The following GLYCTK variants were observed in gnomAD, a reference collection of about 807,000 sequenced individuals.
GLYCTK encodes the protein HBeAg binding protein 4.
A neutral mutation model predicts 24.8 loss-of-function variants in GLYCTK; 22 were observed. The ratio of observed to expected loss-of-function variants is 0.89; its 90% CI spans 0.63 to 1.27. GLYCTK has a LOEUF of 1.27. GLYCTK is among the 50% of genes most tolerant of loss of function. The pLI, the probability that GLYCTK is intolerant of heterozygous loss-of-function variation, is 0.00. For missense variants in GLYCTK, 684 were observed against 686.7 expected (o/e 1.00, Z 0.04); for synonymous variants, 320 against 297.2 (o/e 1.08, Z -0.79).
chr3:52,290,819 T>C lies in GLYCTK; in HGVS notation c.377+100T>C. On this transcript the variant is annotated intron_variant, in intron 2 of 4. Coordinates refer to ENST00000436784, the MANE Select transcript of GLYCTK (RefSeq NM_145262.4). The stretch of plus-strand genomic sequence containing the variant: ...GCCTCCCCTCCCCACCCGCTTCCCA[T>C]TTCTCCTGGATCTGGCCTGGCCCCA... 10 of 1,582,020 alleles carry C rather than the reference T, an allele frequency of 6.3e-6. No homozygotes were observed. In the South Asian group the frequency reaches 1.1e-4, roughly 18 times the overall value.
chr3:52,293,464 C>A lies in GLYCTK; in HGVS notation c.*338C>A, dbSNP rs780420106. The A allele has an allele frequency of 6.6e-5, 35 of 527,604 alleles. No homozygotes were observed. The highest frequency in any genetic ancestry group is 4.0e-4 in the African/African-American group (21 of 52,906). 32.7% of individuals were successfully genotyped at this position (527,604 alleles called of 1,614,324 possible). A position where few individuals can be genotyped will look rare whatever the true frequency, so the allele number is the denominator to read the frequency against. ...CGAGAATGTCTGAAAATAAATAGGACCATGCCATGGGTTCTCAGTGCGCCT... is the reference window on the plus strand; with the variant it reads ...CGAGAATGTCTGAAAATAAATAGGAACATGCCATGGGTTCTCAGTGCGCCT... On this transcript the variant is annotated 3_prime_UTR_variant, in exon 5 of 5. Transcript: ENST00000436784.
In GLYCTK at chr3:52,294,945, G is replaced by T. The variant is rs528265019; in HGVS notation, c.*1819G>T. 1.1e-5 allele frequency: 5 copies of T among 454,088 alleles called. No individual in the cohort carries two copies. Among genetic ancestry groups the T allele is most frequent in the East Asian group, 1.4e-4 (2 of 14,376 alleles). The allele number at this position is 454,088 out of a possible 1,614,324, so 28.1% of individuals were successfully genotyped here. ...TGTACACATAGATACTTAGTACAGGGCACATGACTCCCTGCATCCCTGCTG... is the reference window on the plus strand; with the variant it reads ...TGTACACATAGATACTTAGTACAGGTCACATGACTCCCTGCATCCCTGCTG... On this transcript the variant is annotated 3_prime_UTR_variant, in exon 5 of 5. Coordinates refer to ENST00000436784, the MANE Select transcript of GLYCTK (RefSeq NM_145262.4).
intron 1 of GLYCTK, chr3:52,290,007 G>C: frequency 2.5e-6 from 1 of 403,112 alleles, no homozygotes; most frequent in East Asian, 4.4e-5. Context: ...CCCAGCCAAA[G>C]GGGTGACCTG....
chr3:52,293,901 C>T lies in GLYCTK; in HGVS notation c.*775C>T, dbSNP rs1165833699. The stretch of plus-strand genomic sequence containing the variant: ...CTGGTTGAGCTGAAGTTTGTCCCAC[C>T]CCCCAGTGCTGTTTCCTTGTGACAG... On this transcript the variant is annotated 3_prime_UTR_variant, in exon 5 of 5. Coordinates refer to ENST00000436784, the MANE Select transcript of GLYCTK (RefSeq NM_145262.4). 4 of 453,934 alleles carry T rather than the reference C, an allele frequency of 8.8e-6. No individual in the cohort carries two copies. The highest frequency in any genetic ancestry group is 6.2e-5 in the South Asian group (4 of 64,480). The allele number at this position is 453,934 out of a possible 1,614,324, so 28.1% of individuals were successfully genotyped here.
rs1172174602 is a variant in GLYCTK at position 52,293,706 on chromosome 3, C to T, written c.*580C>T. 6 of 454,132 alleles carry T rather than the reference C, an allele frequency of 1.3e-5. No homozygotes were observed. Among genetic ancestry groups the T allele is most frequent in the Non-Finnish European group, 2.6e-5 (6 of 226,810 alleles). The allele number at this position is 454,132 out of a possible 1,614,324, so 28.1% of individuals were successfully genotyped here. ...GCTTTGATGTGCGTGAGCAGAGACC[C>T]CAGGGAGGACAGGCCTAAAGACTGC... is the stretch of plus-strand genomic sequence containing the variant. On this transcript the variant is annotated 3_prime_UTR_variant, in exon 5 of 5. Transcript: ENST00000436784.
At chr3:52,288,435 C>T (rs1239104350) in intron 1 of GLYCTK, 3 of 152,504 alleles carry the variant, frequency 2.0e-5, no homozygotes, top group Admixed American at 1.3e-4. Context: ...GTCTCGAACT[C>T]CTGACCTCAG....
rs1700556079 is a variant in GLYCTK at position 52,293,583 on chromosome 3, CCCT to C, written c.*459_*461del. ...CAGGGCCTGGCAGGACTCTTAACAC[CCCT>C]CTACTGGGCTGGGTACGTGCAGGAT... On this transcript the variant is annotated 3_prime_UTR_variant, in exon 5 of 5. Coordinates refer to ENST00000436784, the MANE Select transcript of GLYCTK (RefSeq NM_145262.4). 2.2e-6 allele frequency: 1 copy of C among 457,910 alleles called. No individual in the cohort carries two copies. 28.4% of individuals were successfully genotyped at this position (457,910 alleles called of 1,614,324 possible). A position where few individuals can be genotyped will look rare whatever the true frequency, so the allele number is the denominator to read the frequency against.
At position 52,291,920 on chromosome 3, in the gene GLYCTK, C is replaced by T. The variant is rs1438163955; in HGVS notation, c.703C>T (p.Gln235Ter). The T allele has an allele frequency of 1.2e-6, 2 of 1,612,170 alleles. No individual in the cohort carries two copies. The highest frequency in any genetic ancestry group is 1.7e-5 in the Admixed American group (1 of 59,992). The change falls in exon 4 of 5, where the codon CAG becomes TAG. Residue 235 changes from glutamine to a stop codon, truncating the protein, a stop_gained and splice_region_variant. Transcript: ENST00000436784. LOFTEE classifies it high-confidence loss of function. ...GGLAQAAYPA[Q>*]VVSLILSDVV... The stretch of plus-strand genomic sequence containing the variant: ...GCTGGCTCAGGCCGCCTACCCTGCC[C>T]AGGTATGAGTCCCTTCTTCCCCAGG...
chr3:52,292,110 T>C (rs769221739), intron 4 of GLYCTK, 150 bp from the exon 5 acceptor site: 82 of 1,217,180 alleles, frequency 6.7e-5, no homozygotes, highest in Non-Finnish European at 9.4e-5. Flanking sequence ...ACCAGGTGTT[T>C]TGCAAGCCCA....
intron 2 of GLYCTK, 59 bp from the exon 3 acceptor site, chr3:52,290,901 A>C (rs1001538584): frequency 6.2e-7 from 1 of 1,608,156 alleles, no homozygotes; most frequent in Admixed American, 1.7e-5. Context: ...AAGTTGAGAG[A>C]TCAGGTGGGA....
chr3:52,293,296 T>G lies in GLYCTK; in HGVS notation c.*170T>G. ...ACTCAGGGCCTCTGCTCTATATCTA[T>G]TCCCTTCCAGCCAGACTGGCAGATG... On this transcript the variant is annotated 3_prime_UTR_variant, in exon 5 of 5. Transcript: ENST00000436784. 6.8e-6 allele frequency: 5 copies of G among 738,458 alleles called. No homozygotes were observed. The highest frequency in any genetic ancestry group is 2.7e-5 in the East Asian group (1 of 37,016). The allele number at this position is 738,458 out of a possible 1,614,324, so 45.7% of individuals were successfully genotyped here. A position where few individuals can be genotyped will look rare whatever the true frequency, so the allele number is the denominator to read the frequency against.
rs960373876 is a variant in GLYCTK at position 52,294,699 on chromosome 3, C to T, written c.*1573C>T. 13 of 439,532 alleles carry T rather than the reference C, an allele frequency of 3.0e-5. No individual in the cohort carries two copies. The highest frequency in any genetic ancestry group is 5.1e-5 in the Non-Finnish European group (11 of 217,324). 27.2% of individuals were successfully genotyped at this position (439,532 alleles called of 1,614,324 possible). On this transcript the variant is annotated 3_prime_UTR_variant, in exon 5 of 5. Coordinates refer to ENST00000436784, the MANE Select transcript of GLYCTK (RefSeq NM_145262.4). Reference sequence around the variant, plus strand: ...CTGTGCCGTGGTGCTCCTCTGGCAGCGTCTACATGTAGCCTGTTCCTGCCT... The same window carrying T: ...CTGTGCCGTGGTGCTCCTCTGGCAGTGTCTACATGTAGCCTGTTCCTGCCT...
At chr3:52,288,311 C>T (rs1187821018) in intron 1 of GLYCTK, among the ~76,000 whole-genome samples, 2 of 152,326 alleles carry the variant, frequency 1.3e-5, no homozygotes, top group East Asian at 1.9e-4. Context: ...CTCCCCTGTT[C>T]AAATGATTCT....
rs750250546 is a variant in GLYCTK, at chr3:52,292,437, C to A, written c.883C>A (p.Pro295Thr). ...TGTGCTGTCTCGGGCCGACTCTGAC[C>A]CCCATGGGCCACACACCTGTGGCCA... ...KTVLSRADSD[P>T]HGPHTCGHVL... is the part of the protein sequence containing the mutation. Residue 295 changes from proline (P) to threonine (T), a missense_variant, in exon 5 of 5, where the codon CCC becomes ACC. Pro to Thr is a conservative substitution (Grantham distance 38, BLOSUM62 -1). Coordinates refer to ENST00000436784, the MANE Select transcript of GLYCTK (RefSeq NM_145262.4). The A allele has an allele frequency of 3.1e-6, 5 of 1,613,050 alleles. No homozygotes were observed. In the African/African-American group the frequency reaches 5.3e-5, roughly 17 times the overall value.
chr3:52,288,299 G>T (rs1169363538), intron 1 of GLYCTK, among the ~76,000 whole-genome samples: 1 of 152,048 alleles, frequency 6.6e-6, no homozygotes, highest in African/African-American at 2.4e-5. Flanking sequence ...TGCAACCTCC[G>T]CCTCCCCTGT....
rs746876324 is a variant in GLYCTK, at chr3:52,294,700, G to C, written c.*1574G>C. 24 of 441,036 alleles carry C rather than the reference G, an allele frequency of 5.4e-5. No individual in the cohort carries two copies. Among genetic ancestry groups the C allele is most frequent in the Non-Finnish European group, 1.1e-4 (24 of 218,208 alleles). The allele number at this position is 441,036 out of a possible 1,614,324, so 27.3% of individuals were successfully genotyped here. On this transcript the variant is annotated 3_prime_UTR_variant, in exon 5 of 5. Transcript: ENST00000436784. ...TGTGCCGTGGTGCTCCTCTGGCAGC[G>C]TCTACATGTAGCCTGTTCCTGCCTC...
At position 52,290,399 on chromosome 3, in the gene GLYCTK, C is replaced by A; in HGVS notation, c.57C>A (p.Leu19=). The change falls in exon 2 of 5, where the codon CTC becomes CTA. Residue 19 remains leucine, a synonymous_variant. Transcript: ENST00000436784. ...TGGCCCGAGCCCCCTTGCATCCACT[C>A]CTCTGGCGGGGCTCAGTGGCCCGTC... The part of the protein sequence containing the change: ...PRLARAPLHP[L]LWRGSVARLA... 6.2e-7 allele frequency: 1 copy of A among 1,608,276 alleles called. No individual in the cohort carries two copies. The highest frequency in any genetic ancestry group is 8.5e-7 in the Non-Finnish European group (1 of 1,179,916).
chr3:52,290,401 T>C lies in GLYCTK; in HGVS notation c.59T>C (p.Leu20Pro), dbSNP rs769753968. 4.3e-5 allele frequency: 69 copies of C among 1,608,396 alleles called. No homozygotes were observed. The highest frequency in any genetic ancestry group is 5.7e-5 in the Non-Finnish European group (67 of 1,179,918). Residue 20 changes from leucine (L) to proline (P), a missense_variant, in exon 2 of 5, where the codon CTC becomes CCC. Coordinates refer to ENST00000436784, the MANE Select transcript of GLYCTK (RefSeq NM_145262.4). Reference protein sequence around the residue: ...RLARAPLHPLLWRGSVARLAS... With the variant: ...RLARAPLHPLPWRGSVARLAS... ...GCCCGAGCCCCCTTGCATCCACTCC[T>C]CTGGCGGGGCTCAGTGGCCCGTCTG...
chr3:52,288,851 C>T (rs995411176), intron 1 of GLYCTK: 2 of 152,138 alleles, frequency 1.3e-5, no homozygotes, highest in South Asian at 2.1e-4. Context: ...GACCCATTTT[C>T]GGAATCCCCA....
Sources: gnomAD v4.1 joint callset for allele counts (sites outside exome capture counted in the v4.1 genomes callset) on GRCh38, gnomAD v4.1.1 for gene constraint, MANE v1.5 for transcripts, NCBI Gene and HGNC (gene_info 2026-07-23, HGNC 2026-07-21) for gene names.